USP34: variants seen among roughly 807,000 people sequenced by gnomAD.
USP34 encodes the protein ubiquitin carboxyl-terminal hydrolase 34.
USP34 carries 70 observed loss-of-function variants against 460.3 expected under a neutral mutation model. The observed-to-expected ratio is 0.15, with a 90% CI of 0.13 to 0.19. The LOEUF (loss-of-function observed/expected upper bound fraction) is 0.19. Ranked by LOEUF, USP34 falls within the 10% of genes least tolerant of loss-of-function variation. USP34 has a pLI of 1.00. For missense variants in USP34, 3,985 were observed against 4,236.2 expected (o/e 0.94, Z 1.65); for synonymous variants, 1,647 against 1,405.3 (o/e 1.17, Z -3.85).
At chr2:61,457,860 G>A (rs1264530122) in intron 1 of USP34, among the ~76,000 whole-genome samples, 3 of 152,006 alleles carry the variant, frequency 2.0e-5, no homozygotes, top group Non-Finnish European at 4.4e-5. Context: ...AAAACAAACA[G>A]CAGCAGCAAC....
At chr2:61,262,508 C>A (rs1194682350) in intron 43 of USP34, among the ~76,000 whole-genome samples, 1 of 152,026 alleles carries the variant, frequency 6.6e-6, no homozygotes, top group Non-Finnish European at 1.5e-5. Context: ...TTGCAAAAGA[C>A]ATGGTCTTGT....
intron 8 of USP34, among the ~76,000 whole-genome samples, chr2:61,377,021 T>C (rs1200388102): frequency 2.6e-5 from 4 of 152,150 alleles, no homozygotes; most frequent in Non-Finnish European, 4.4e-5. Context: ...TCTAATATAA[T>C]CCAGAATTTA....
At chr2:61,287,377 A>C (rs555943661) in intron 34 of USP34, among the ~76,000 whole-genome samples, 110 of 152,326 alleles carry the variant, frequency 7.2e-4, no homozygotes, top group African/African-American at 2.5e-3. Flanking sequence ...GATGTTGGAA[A>C]GGCAAATATT....
At chr2:61,463,302 T>G (rs994712438) in intron 1 of USP34, among the ~76,000 whole-genome samples, 1 of 151,980 alleles carries the variant, frequency 6.6e-6, no homozygotes, top group Non-Finnish European at 1.5e-5. Flanking sequence ...CACCCCAGCA[T>G]GGGTGATACA....
rs749012494 is a variant in USP34 at position 61,349,296 on chromosome 2, AG to A, written c.1508-12del. The A allele has an allele frequency of 6.2e-7, 1 of 1,612,302 alleles. No individual in the cohort carries two copies. The highest frequency in any genetic ancestry group is 1.1e-5 in the South Asian group (1 of 90,786). ...TAAGCTCTTCTTCCTCTGAAGGAAA[AG>A]GAAAAAACAGGAGAAAAACATTCTA... On this transcript the variant is annotated splice_polypyrimidine_tract_variant and intron_variant, in intron 12 of 79. Transcript: ENST00000398571.
In USP34 at chr2:61,445,132, GA is replaced by G. The variant is rs1044071061; in HGVS notation, c.44-24300del. 2.7e-4 allele frequency among the ~76,000 whole-genome samples: 33 copies of G among 122,814 alleles called. No homozygotes were observed. In the Middle Eastern group the frequency reaches 0.016, roughly 58 times the overall value. The allele number at this position is 122,814 out of a possible 152,430, so 80.6% of individuals were successfully genotyped here. On this transcript the variant is annotated intron_variant, in intron 1 of 79. Coordinates refer to ENST00000398571, the MANE Select transcript of USP34 (RefSeq NM_014709.4). ...GAACTTTAGAAAACAAGCAAACACT[GA>G]AAAAAAAATTTGTCAACAGCAGAAC...
intron 18 of USP34, among the ~76,000 whole-genome samples, chr2:61,334,222 G>A (rs1282990548): frequency 6.6e-6 from 1 of 152,066 alleles, no homozygotes; most frequent in Non-Finnish European, 1.5e-5. Context: ...AAAAAAGCAA[G>A]TGAAGAGCAT....
chr2:61,249,854 A>C (rs1030137489), intron 48 of USP34: 2 of 157,020 alleles, frequency 1.3e-5, no homozygotes. Flanking sequence ...TCTGGACAGA[A>C]TATCTCCAAG....
chr2:61,337,489 G>A (rs1691459304), intron 18 of USP34, among the ~76,000 whole-genome samples: 1 of 151,790 alleles, frequency 6.6e-6, no homozygotes. Flanking sequence ...GTCTCACTCT[G>A]TTGCTCAGGG....
intron 67 of USP34, among the ~76,000 whole-genome samples, chr2:61,217,252 C>CT: frequency 6.6e-6 from 1 of 152,314 alleles, no homozygotes; most frequent in South Asian, 2.1e-4. Context: ...CTTCCTATAA[C>CT]TTAAGAGTCC....
At chr2:61,272,139 C>T (rs1033834739) in intron 41 of USP34, among the ~76,000 whole-genome samples, 7 of 152,298 alleles carry the variant, frequency 4.6e-5, no homozygotes, top group Middle Eastern at 3.4e-3. Context: ...TGGCCGGGCA[C>T]GGCGGCTCAC....
At chr2:61,272,410 CAAAAA>C (rs768984469) in intron 41 of USP34, among the ~76,000 whole-genome samples, 1 of 82,664 alleles carries the variant, frequency 1.2e-5, no homozygotes, top group African/African-American at 4.9e-5. Flanking sequence ...GACCCCATCT[CAAAAA>C]AAAAAAAAAA....
intron 33 of USP34, among the ~76,000 whole-genome samples, chr2:61,292,558 T>G (rs983919329): frequency 6.6e-6 from 1 of 152,148 alleles, no homozygotes; most frequent in Admixed American, 6.5e-5. Context: ...TAAAATACAC[T>G]AACACTGACG....
At position 61,191,354 on chromosome 2, in the gene USP34, A is replaced by G. The variant is rs566667683; in HGVS notation, c.9589-696T>C. On this transcript the variant is annotated intron_variant, in intron 76 of 79. Transcript: ENST00000398571. ...TGCATTTTAATAATTTATATGGAAA[A>G]AAGCAATATATTTTTTAAATAGGAC... The G allele has an allele frequency of 4.6e-5, 7 of 152,196 alleles. No homozygotes were observed. In the South Asian group the frequency reaches 1.5e-3, roughly 32 times the overall value. The allele number at this position is 152,196 out of a possible 1,614,324, so 9.4% of individuals were successfully genotyped here. A position where few individuals can be genotyped will look rare whatever the true frequency, so the allele number is the denominator to read the frequency against.
chr2:61,395,134 T>C (rs954281726), intron 4 of USP34, 49 bp downstream of exon 4: 4 of 1,472,222 alleles, frequency 2.7e-6, no homozygotes, highest in African/African-American at 2.9e-5. Flanking sequence ...TGAGGCTTTG[T>C]TAAAAAAATA....
Position 61,370,315 on chromosome 2 carries a change from T to C in USP34, c.1251+6A>G. ...GCACTCAATAAATGTGAGCTGTTAATATTACCTGTGCTGCAGCCCAAATAC... is the reference window on the plus strand; with the variant it reads ...GCACTCAATAAATGTGAGCTGTTAACATTACCTGTGCTGCAGCCCAAATAC... On this transcript the variant is annotated splice_donor_region_variant and intron_variant, in intron 10 of 79. Coordinates refer to ENST00000398571, the MANE Select transcript of USP34 (RefSeq NM_014709.4). 1.2e-6 allele frequency: 2 copies of C among 1,613,142 alleles called. No homozygotes were observed. The highest frequency in any genetic ancestry group is 2.7e-5 in the African/African-American group (2 of 75,004).
intron 3 of USP34, among the ~76,000 whole-genome samples, chr2:61,398,378 A>G (rs1376348443): frequency 6.9e-6 from 1 of 144,176 alleles, no homozygotes; most frequent in Non-Finnish European, 1.5e-5. Context: ...GAGAAGGAGG[A>G]GAGAGATGGG....
In USP34 at chr2:61,256,963, C is replaced by T; in HGVS notation, c.6049-13G>A. On this transcript the variant is annotated splice_polypyrimidine_tract_variant and intron_variant, in intron 46 of 79. Transcript: ENST00000398571. ...CATGTTCACAATCCTAATCAATACACATAAAAAATTAATAAAAACTAGTAA... is the reference window on the plus strand; with the variant it reads ...CATGTTCACAATCCTAATCAATACATATAAAAAATTAATAAAAACTAGTAA... 6.8e-7 allele frequency: 1 copy of T among 1,472,230 alleles called. No homozygotes were observed. Among genetic ancestry groups the T allele is most frequent in the Non-Finnish European group, 9.0e-7 (1 of 1,113,696 alleles). 91.2% of individuals were successfully genotyped at this position (1,472,230 alleles called of 1,614,324 possible).
chr2:61,241,868 C>G lies in USP34; in HGVS notation c.6628-49G>C, dbSNP rs751182531. 6.3e-6 allele frequency: 6 copies of G among 955,102 alleles called. No homozygotes were observed. In the African/African-American group the frequency reaches 1.0e-4, roughly 16 times the overall value. 59.2% of individuals were successfully genotyped at this position (955,102 alleles called of 1,614,324 possible). ...ACTTCTTTGAAAAAATGGGTATACT[C>G]AGCTATATTTATATATAAATTATTT... is the stretch of plus-strand genomic sequence containing the variant. On this transcript the variant is annotated intron_variant, in intron 51 of 79. Coordinates refer to ENST00000398571, the MANE Select transcript of USP34 (RefSeq NM_014709.4).
Sources: allele counts gnomAD v4.1 joint callset (sites outside exome capture counted in the v4.1 genomes callset), GRCh38; gene constraint gnomAD v4.1.1; transcripts MANE v1.5; gene names NCBI Gene and HGNC (gene_info 2026-07-23, HGNC 2026-07-21).